The following DTL variants were observed in gnomAD, a reference collection of about 807,000 sequenced individuals.
The protein encoded by DTL is denticleless E3 ubiquitin protein ligase adapter, also known as denticleless protein homolog.
A neutral mutation model predicts 87.0 loss-of-function variants in DTL; 46 were observed. That is an observed-to-expected ratio of 0.53 (90% CI 0.42 to 0.68). DTL has a LOEUF of 0.68. Among genes scored for constraint, DTL ranks in the 30% least tolerant of loss-of-function variants. The pLI is 0.00. For synonymous variants in DTL, 308 were observed against 311.2 expected, an observed-to-expected ratio of 0.99 and a Z score of 0.11; for missense variants, 737 against 869.4, an observed-to-expected ratio of 0.85 and a Z score of 1.91.
chr1:212,044,604 A>G, intron 2 of DTL, 56 bp from the exon 3 acceptor site: 1 of 911,984 alleles, frequency 1.1e-6, no homozygotes, highest in Non-Finnish European at 1.6e-6. Context: ...CTCCGTCTGA[A>G]AAAAAAAAAA....
intron 7 of DTL, 55 bp from the exon 8 acceptor site, chr1:212,066,757 A>G: frequency 1.3e-6 from 2 of 1,548,390 alleles, no homozygotes; most frequent in Non-Finnish European, 8.9e-7. Context: ...TGTTCCCTTG[A>G]TGGTAAAGAT....
intron 13 of DTL, among the ~76,000 whole-genome samples, chr1:212,085,991 T>G (rs1212449856): frequency 6.6e-6 from 1 of 152,270 alleles, no homozygotes; most frequent in Non-Finnish European, 1.5e-5. Context: ...TCTATGTATC[T>G]GTCCTTATTA....
At chr1:212,068,102 C>T (rs1007895952) in intron 8 of DTL, 122 bp from the exon 9 acceptor site, 1 of 597,586 alleles carries the variant, frequency 1.7e-6, no homozygotes, top group Non-Finnish European at 2.9e-6. Flanking sequence ...ATGAAATATC[C>T]TTACTGTACC....
At chr1:212,089,248 A>C (rs1655217259) in intron 13 of DTL, among the ~76,000 whole-genome samples, 1 of 152,254 alleles carries the variant, frequency 6.6e-6, no homozygotes, top group South Asian at 2.1e-4. Flanking sequence ...ACTTAAGTAG[A>C]TGAAGTACTA....
At chr1:212,047,010 T>C in intron 3 of DTL, 141 bp from the exon 4 acceptor site, 1 of 704,350 alleles carries the variant, frequency 1.4e-6, no homozygotes, top group Non-Finnish European at 2.4e-6. Flanking sequence ...GATATCTCAT[T>C]GTGGTTTTGA....
At chr1:212,097,395 C>T (rs1655481259) in intron 13 of DTL, among the ~76,000 whole-genome samples, 1 of 152,080 alleles carries the variant, frequency 6.6e-6, no homozygotes, top group Non-Finnish European at 1.5e-5. Flanking sequence ...GTCTAGATCT[C>T]GAGCAAGGCC....
At chr1:212,080,368 A>C (rs1476317962) in intron 12 of DTL, 1 of 308,906 alleles carries the variant, frequency 3.2e-6, no homozygotes, top group African/African-American at 2.2e-5. Flanking sequence ...AGAAATGACC[A>C]GTAACAAAAG....
At chr1:212,072,503 T>C (rs1654705430) in intron 11 of DTL, among the ~76,000 whole-genome samples, 1 of 152,180 alleles carries the variant, frequency 6.6e-6, no homozygotes. Flanking sequence ...AACTACTTTG[T>C]CCTGCATCCT....
chr1:212,080,861 C>A, intron 13 of DTL, 111 bp downstream of exon 13: 2 of 1,165,382 alleles, frequency 1.7e-6, no homozygotes, highest in Admixed American at 2.4e-5. Context: ...TAAAGAAAAG[C>A]ACTATCTTCT....
intron 1 of DTL, 115 bp downstream of exon 1, chr1:212,036,057 A>C: frequency 2.1e-6 from 2 of 971,390 alleles, no homozygotes; most frequent in Non-Finnish European, 3.2e-6. Context: ...GAGTTCTCCC[A>C]TGGCAAGGGT....
intron 5 of DTL, among the ~76,000 whole-genome samples, chr1:212,061,963 AATT>A (rs1378651307): frequency 6.6e-6 from 1 of 152,168 alleles, no homozygotes; most frequent in African/African-American, 2.4e-5. Context: ...TCACCTTACA[AATT>A]ATTGTATATT....
chr1:212,044,621 G>A, intron 2 of DTL, 39 bp from the exon 3 acceptor site: 2 of 1,145,678 alleles, frequency 1.7e-6, no homozygotes, highest in South Asian at 1.4e-5. Context: ...AAAAAAAATT[G>A]TGTTACTCTA....
intron 13 of DTL, among the ~76,000 whole-genome samples, chr1:212,084,201 CTTTTCTTT>C (rs1558087029): frequency 3.7e-4 from 17 of 45,926 alleles, no homozygotes; most frequent in African/African-American, 1.8e-3. Context: ...TTCTTTTTTT[CTTTTCTTT>C]TTTTTTTTTT....
chr1:212,086,213 G>A lies in DTL; in HGVS notation c.1261+5463G>A, dbSNP rs115902439. Among the ~76,000 whole-genome samples, 1,118 of 140,846 alleles carry A rather than the reference G, an allele frequency of 7.9e-3. 12 individuals are homozygous for A. Among genetic ancestry groups the A allele is most frequent in the Non-Finnish European group, 0.013 (823 of 63,248 alleles). 92.4% of individuals were successfully genotyped at this position (140,846 alleles called of 152,430 possible). On this transcript the variant is annotated intron_variant, in intron 13 of 14. Coordinates refer to ENST00000366991, the MANE Select transcript of DTL (RefSeq NM_016448.4). Reference sequence around the variant, plus strand: ...GATCAGTTATGGAAGTATTGACATCGTAATAATGTTAAATCTTCTGGTCCA... The same window carrying A: ...GATCAGTTATGGAAGTATTGACATCATAATAATGTTAAATCTTCTGGTCCA...
chr1:212,101,368 T>G (rs1333360372), intron 14 of DTL, among the ~76,000 whole-genome samples: 1 of 152,158 alleles, frequency 6.6e-6, no homozygotes, highest in Non-Finnish European at 1.5e-5. Flanking sequence ...AAATCCCTCC[T>G]GTCAGGGTCC....
intron 9 of DTL, 44 bp downstream of exon 9, chr1:212,068,371 T>TA: frequency 8.2e-7 from 1 of 1,219,704 alleles, no homozygotes; most frequent in Non-Finnish European, 1.1e-6. Flanking sequence ...GAGTTTTTGT[T>TA]TAAAAAAAAA....
intron 13 of DTL, among the ~76,000 whole-genome samples, chr1:212,094,983 C>G (rs1357927258): frequency 6.6e-6 from 1 of 152,070 alleles, no homozygotes. Context: ...GATCTAGGAG[C>G]TTTTTGGATG....
At chr1:212,052,708 T>G (rs746113934) in intron 5 of DTL, among the ~76,000 whole-genome samples, 1 of 151,740 alleles carries the variant, frequency 6.6e-6, no homozygotes, top group African/African-American at 2.4e-5. Flanking sequence ...CCTCCCTGCT[T>G]CTTCTGTTAC....
intron 3 of DTL, among the ~76,000 whole-genome samples, chr1:212,045,078 A>G (rs947016898): frequency 6.6e-6 from 1 of 152,202 alleles, no homozygotes; most frequent in African/African-American, 2.4e-5. Context: ...GGGAACTAAT[A>G]GAGTGAGAAC....
Sources: gnomAD v4.1 joint callset for allele counts (sites outside exome capture counted in the v4.1 genomes callset) on GRCh38, gnomAD v4.1.1 for gene constraint, MANE v1.5 for transcripts, NCBI Gene and HGNC (gene_info 2026-07-23, HGNC 2026-07-21) for gene names.